The following FAM222B variants were observed in gnomAD, a reference collection of about 807,000 sequenced individuals.
The protein encoded by FAM222B is family with sequence similarity 222 member B.
A neutral mutation model predicts 38.0 loss-of-function variants in FAM222B; 12 were observed. The ratio of observed to expected loss-of-function variants is 0.32; its 90% CI spans 0.20 to 0.51. FAM222B has a LOEUF of 0.51. FAM222B is among the 20% of genes least tolerant of loss of function. The pLI, the probability that FAM222B is intolerant of heterozygous loss-of-function variation, is 0.97. For missense variants in FAM222B, 716 were observed against 754.2 expected (o/e 0.95, Z 0.59); for synonymous variants, 329 against 317.2 (o/e 1.04, Z -0.40).
At chr17:28,797,886 C>T in intron 1 of FAM222B, among the ~76,000 whole-genome samples, 1 of 148,264 alleles carries the variant, frequency 6.7e-6, no homozygotes, top group Non-Finnish European at 1.5e-5. Flanking sequence ...CATAGGGAGA[C>T]CCCATCTCTA....
chr17:28,804,278 G>A (rs2037374106), intron 1 of FAM222B, among the ~76,000 whole-genome samples: 1 of 151,934 alleles, frequency 6.6e-6, no homozygotes, highest in Non-Finnish European at 1.5e-5. Context: ...AATGAGCCAA[G>A]TCCTAATCCC....
chr17:28,776,375 CAAAAAAA>C (rs35900323), intron 1 of FAM222B, among the ~76,000 whole-genome samples: 2 of 62,454 alleles, frequency 3.2e-5, no homozygotes, highest in African/African-American at 1.2e-4. Flanking sequence ...GACTCCGTCT[CAAAAAAA>C]AAAAAAAAAA....
intron 1 of FAM222B, among the ~76,000 whole-genome samples, chr17:28,854,168 C>T (rs538366917): frequency 2.0e-5 from 3 of 152,126 alleles, no homozygotes; most frequent in Admixed American, 6.6e-5. Context: ...TGGTCTCGAT[C>T]TCCTGACCTC....
chr17:28,804,509 A>AT (rs1288118285), intron 1 of FAM222B, among the ~76,000 whole-genome samples: 1 of 151,552 alleles, frequency 6.6e-6, no homozygotes, highest in Non-Finnish European at 1.5e-5. Flanking sequence ...TAACTTTTGT[A>AT]TTTTTTAGTA....
In FAM222B at chr17:28,852,356, CAA is replaced by C. The variant is rs528264888; in HGVS notation, c.-41+2592_-41+2593del. ...GGGCGACAGAGCGAGACTCTGTCTC[CAA>C]AAAAAAATGTTCAGGCCAGGTACAG... On this transcript the variant is annotated intron_variant, in intron 1 of 2. Coordinates refer to the FAM222B transcript ENST00000577513. Among the ~76,000 whole-genome samples the C allele has an allele frequency of 6.7e-4, 99 of 148,464 alleles. 1 individual carries two copies. The highest frequency in any genetic ancestry group is 3.3e-3 in the Admixed American group (49 of 14,882).
chr17:28,815,212 A>C, intron 1 of FAM222B, among the ~76,000 whole-genome samples: 1 of 141,704 alleles, frequency 7.1e-6, no homozygotes. Context: ...AATTTATTAC[A>C]TCTTTTTTTT....
intron 1 of FAM222B, among the ~76,000 whole-genome samples, chr17:28,804,328 T>C (rs1464824390): frequency 6.6e-6 from 1 of 152,032 alleles, no homozygotes; most frequent in Admixed American, 6.6e-5. Context: ...CTCTGGAGAA[T>C]GCTAATACAG....
chr17:28,809,934 G>A (rs928579438), intron 1 of FAM222B, among the ~76,000 whole-genome samples: 2 of 152,068 alleles, frequency 1.3e-5, no homozygotes, highest in Non-Finnish European at 2.9e-5. Flanking sequence ...AAATAGAAGG[G>A]CAAACTTGTT....
chr17:28,826,440 G>A (rs2038442590), intron 1 of FAM222B, among the ~76,000 whole-genome samples: 1 of 152,064 alleles, frequency 6.6e-6, no homozygotes, highest in Admixed American at 6.6e-5. Flanking sequence ...CAACACTTTG[G>A]GAGGCCGAGG....
chr17:28,815,966 C>CA (rs1204670643), intron 1 of FAM222B, among the ~76,000 whole-genome samples: 839 of 74,864 alleles, frequency 0.011, 6 homozygotes, highest in African/African-American at 0.029. Flanking sequence ...GACTCCGTCT[C>CA]AAAAAAAAAA....
At chr17:28,838,387 T>C (rs576071407) in intron 1 of FAM222B, among the ~76,000 whole-genome samples, 2 of 149,932 alleles carry the variant, frequency 1.3e-5, no homozygotes, top group South Asian at 2.1e-4. Context: ...GAGACCATCC[T>C]GGCTAACACG....
intron 1 of FAM222B, among the ~76,000 whole-genome samples, chr17:28,850,890 G>A (rs2039176379): frequency 6.6e-6 from 1 of 152,194 alleles, no homozygotes; most frequent in African/African-American, 2.4e-5. Context: ...GGAGGCCAAG[G>A]TGGGCAAATC....
chr17:28,814,617 C>A (rs1381918842), intron 1 of FAM222B, among the ~76,000 whole-genome samples: 6 of 152,080 alleles, frequency 3.9e-5, no homozygotes, highest in Admixed American at 6.6e-5. Flanking sequence ...CAGGTGCACA[C>A]CACCACGCCT....
chr17:28,843,915 G>A (rs757734822), upstream of FAM222B, among the ~76,000 whole-genome samples: 5 of 152,224 alleles, frequency 3.3e-5, no homozygotes, highest in Non-Finnish European at 5.9e-5. Context: ...ACACCGCTAA[G>A]TTCAGTATGT....
intron 1 of FAM222B, among the ~76,000 whole-genome samples, chr17:28,818,406 C>T (rs965123876): frequency 2.7e-5 from 4 of 150,828 alleles, no homozygotes; most frequent in African/African-American, 4.9e-5. Context: ...TGGGCACCTG[C>T]AGTCCCAGCT....
chr17:28,813,539 T>C (rs2037896314), intron 1 of FAM222B, among the ~76,000 whole-genome samples: 1 of 151,984 alleles, frequency 6.6e-6, no homozygotes, highest in African/African-American at 2.4e-5. Flanking sequence ...TTTTTTGTTT[T>C]TTTTGGAGAC....
intron 1 of FAM222B, among the ~76,000 whole-genome samples, chr17:28,774,009 A>G (rs372220475): frequency 6.6e-6 from 1 of 152,176 alleles, no homozygotes; most frequent in East Asian, 1.9e-4. Context: ...CCCACAACAT[A>G]TTCTAGAAAG....
At chr17:28,772,628 G>A (rs1392852350) in intron 1 of FAM222B, among the ~76,000 whole-genome samples, 4 of 151,852 alleles carry the variant, frequency 2.6e-5, no homozygotes, top group African/African-American at 7.3e-5. Flanking sequence ...CACACGCGGT[G>A]GCTCATGTCT....
intron 1 of FAM222B, among the ~76,000 whole-genome samples, chr17:28,795,362 C>T (rs12940807): frequency 6.6e-6 from 1 of 152,176 alleles, no homozygotes; most frequent in African/African-American, 2.4e-5. Flanking sequence ...GCAGACTGGT[C>T]TCGAACTCCT....
Sources: gnomAD v4.1 joint callset for allele counts (sites outside exome capture counted in the v4.1 genomes callset) on GRCh38, gnomAD v4.1.1 for gene constraint, MANE v1.5 for transcripts, NCBI Gene and HGNC (gene_info 2026-07-23, HGNC 2026-07-21) for gene names.